The following TYK2 variants were observed in gnomAD, a reference collection of about 807,000 sequenced individuals.
The protein encoded by TYK2 is tyrosine kinase 2.
TYK2 carries 65 observed loss-of-function variants against 130.9 expected under a neutral mutation model. The ratio of observed to expected loss-of-function variants is 0.50; its 90% CI spans 0.41 to 0.61. TYK2 has a LOEUF of 0.61. Ranked by LOEUF, TYK2 falls within the 20% of genes least tolerant of loss-of-function variation. TYK2 has a pLI of 0.00. For missense variants in TYK2, 1,378 were observed against 1,610.7 expected (o/e 0.86, Z 2.47); for synonymous variants, 647 against 658.9 (o/e 0.98, Z 0.28).
intron 3 of TYK2, among the ~76,000 whole-genome samples, chr19:10,377,550 G>A (rs1599368211): frequency 7.6e-6 from 1 of 131,474 alleles, no homozygotes; most frequent in Non-Finnish European, 1.6e-5. Context: ...ATGGATGGGT[G>A]GGTGGGTGGA....
At chr19:10,367,013 C>T (rs2145263745) in intron 5 of TYK2, among the ~76,000 whole-genome samples, 1 of 150,764 alleles carries the variant, frequency 6.6e-6, no homozygotes, top group Non-Finnish European at 1.5e-5. Context: ...CATTGCACTC[C>T]AGCCTGAGCA....
intron 15 of TYK2, 97 bp downstream of exon 15, chr19:10,359,078 A>C (rs1473569297): frequency 6.6e-7 from 1 of 1,508,712 alleles, no homozygotes. Flanking sequence ...AAACAAACAA[A>C]AAAGATGGGG....
rs2041617281 is a variant in TYK2, at chr19:10,365,506, GCCTTGCTCACCTCCT to G, written c.1007_1011+10del. 2 of 1,613,504 alleles carry G rather than the reference GCCTTGCTCACCTCCT, an allele frequency of 1.2e-6. No homozygotes were observed. The highest frequency in any genetic ancestry group is 1.7e-6 in the Non-Finnish European group (2 of 1,180,010). ...CCTGAACCCCCAGGGCGGAAGGGGC[GCCTTGCTCACCTCCT>G]CCTTGTTCACCTCCTCCTCTACTGG... On this transcript the variant is annotated splice_donor_variant and splice_donor_5th_base_variant and coding_sequence_variant and intron_variant, in exon 7 of 25. Transcript: ENST00000525621. LOFTEE classifies it high-confidence loss of function.
chr19:10,365,828 G>A lies in TYK2; in HGVS notation c.700C>T (p.Leu234Phe), dbSNP rs2041636319. The change falls in exon 7 of 25, where the codon CTT becomes TTT. Residue 234 changes from leucine (L) to phenylalanine (F), a missense_variant. Transcript: ENST00000525621. ...RQHSALTRLR[L>F]RNVFRRFLRD... ...AGGAACCTGCGGAAGACGTTCCGAA[G>A]GCGCAGCCGGGTCAGGGCGCTGTGC... The A allele has an allele frequency of 2.5e-6, 4 of 1,612,480 alleles. No individual in the cohort carries two copies. The highest frequency in any genetic ancestry group is 2.7e-5 in the African/African-American group (2 of 75,074).
chr19:10,354,706 C>T, intron 18 of TYK2, 97 bp from the exon 19 acceptor site: 2 of 1,014,816 alleles, frequency 2.0e-6, no homozygotes, highest in South Asian at 2.6e-5. Flanking sequence ...ACCCCAGGAT[C>T]CGATTCTAGA....
In TYK2 at chr19:10,364,537, C is replaced by A. The variant is rs1453304815; in HGVS notation, c.1367+77G>T. 1.9e-6 allele frequency: 3 copies of A among 1,539,898 alleles called. No individual in the cohort carries two copies. The East Asian group carries it at 6.8e-5, about 35-fold the overall frequency. On this transcript the variant is annotated intron_variant, in intron 9 of 24. Transcript: ENST00000525621. The surrounding 1 kb of genome is among the most constrained non-coding windows in gnomAD (Gnocchi z 4.9). ...ATAAGACGTGCACCTACACACACAC[C>A]CTGCACAGCCCCTAGGGCTCACAGT...
At chr19:10,372,475 TA>T (rs2041951602) in intron 3 of TYK2, among the ~76,000 whole-genome samples, 2 of 70,280 alleles carry the variant, frequency 2.8e-5, no homozygotes, top group African/African-American at 1.9e-4. Context: ...TATATATATA[TA>T]TATATATATT....
chr19:10,370,078 A>G (rs1027088348), intron 3 of TYK2, among the ~76,000 whole-genome samples: 3 of 151,316 alleles, frequency 2.0e-5, no homozygotes, highest in Non-Finnish European at 4.4e-5. Flanking sequence ...AGAATCAGCC[A>G]TGGCCAGGCT....
Position 10,362,555 on chromosome 19 carries a change from A to G in TYK2, c.1470T>C (p.Arg490=). Residue 490 remains arginine, a synonymous_variant, in exon 10 of 25, where the codon CGT becomes CGC. Coordinates refer to ENST00000525621, the MANE Select transcript of TYK2 (RefSeq NM_003331.5). The part of the protein sequence containing the change: ...PYRLILTVAQ[R]SQAPDGMQSL... Reference sequence around the variant, plus strand: ...CCCCCAGCCCTGGGCTCACCTGGCTACGCTGGGCCACTGTGAGGATCAGGC... The same window carrying G: ...CCCCCAGCCCTGGGCTCACCTGGCTGCGCTGGGCCACTGTGAGGATCAGGC... 6.4e-7 allele frequency: 1 copy of G among 1,554,886 alleles called. No individual in the cohort carries two copies. The highest frequency in any genetic ancestry group is 8.7e-7 in the Non-Finnish European group (1 of 1,148,846).
chr19:10,368,478 A>T lies in TYK2; in HGVS notation c.194-60T>A, dbSNP rs557695401. Reference sequence around the variant, plus strand: ...TCATTTGCTACCGTCAGCCCCAAAGACCCCCCAGACCCAATGTCTGCCTTC... The same window carrying T: ...TCATTTGCTACCGTCAGCCCCAAAGTCCCCCCAGACCCAATGTCTGCCTTC... On this transcript the variant is annotated intron_variant, in intron 3 of 24. Coordinates refer to ENST00000525621, the MANE Select transcript of TYK2 (RefSeq NM_003331.5). 3.7e-6 allele frequency: 6 copies of T among 1,609,008 alleles called. No individual in the cohort carries two copies. The Admixed American group carries it at 5.0e-5, about 14-fold the overall frequency.
At chr19:10,378,469 A>G in intron 2 of TYK2, 43 bp from the exon 3 acceptor site, 1 of 1,537,390 alleles carries the variant, frequency 6.5e-7, no homozygotes, top group Admixed American at 1.7e-5. Flanking sequence ...CTCAGCCCAG[A>G]GACCCCTGTT....
chr19:10,379,505 C>CAATAAATAAATAAATA (rs35074507), intron 2 of TYK2, 110 bp downstream of exon 2: 1 of 146,764 alleles, frequency 6.8e-6, no homozygotes, highest in Non-Finnish European at 1.5e-5. Flanking sequence ...TACTAAAATA[C>CAATAAATAAATAAATA]AATAAATAAA....
chr19:10,374,440 C>G (rs1302843666), intron 3 of TYK2, among the ~76,000 whole-genome samples: 1 of 150,726 alleles, frequency 6.6e-6, no homozygotes, highest in Non-Finnish European at 1.5e-5. Context: ...CAAAAATTAG[C>G]CAGGTGTGGT....
chr19:10,353,523 C>T lies in TYK2; in HGVS notation c.3027+5G>A. 6.7e-7 allele frequency: 1 copy of T among 1,498,370 alleles called. No individual in the cohort carries two copies. Among genetic ancestry groups the T allele is most frequent in the Non-Finnish European group, 8.9e-7 (1 of 1,120,128 alleles). 92.8% of individuals were successfully genotyped at this position (1,498,370 alleles called of 1,614,324 possible). A position where few individuals can be genotyped will look rare whatever the true frequency, so the allele number is the denominator to read the frequency against. ...GCTCCAGAAGCAGGGGCGGGGCCGA[C>T]CAACCTCGCAGATCTGCTGGGCGAA... On this transcript the variant is annotated splice_donor_5th_base_variant and intron_variant, in intron 21 of 24. Transcript: ENST00000525621. The surrounding 1 kb of genome is among the most constrained non-coding windows in gnomAD (Gnocchi z 6.9).
chr19:10,351,345 G>A (rs2040794576), intron 23 of TYK2, 183 bp from the exon 24 acceptor site: 1 of 502,534 alleles, frequency 2.0e-6, no homozygotes. Flanking sequence ...AAATTAGCTG[G>A]GCATAATGGC....
At chr19:10,354,327 C>T (rs375184044) in intron 19 of TYK2, 93 bp from the exon 20 acceptor site, 3 of 1,503,606 alleles carry the variant, frequency 2.0e-6, no homozygotes, top group Admixed American at 3.6e-5. Context: ...CCAGGCAGAT[C>T]CTTTCGGAAT....
At chr19:10,378,156 C>A in intron 3 of TYK2, 58 bp downstream of exon 3, 1 of 1,573,474 alleles carries the variant, frequency 6.4e-7, no homozygotes, top group South Asian at 1.1e-5. Flanking sequence ...ATGGATGGGG[C>A]CCAGCTGCTG....
At chr19:10,368,015 T>C (rs779796094) in intron 5 of TYK2, 40 bp downstream of exon 5, 1 of 1,612,578 alleles carries the variant, frequency 6.2e-7, no homozygotes, top group Non-Finnish European at 8.5e-7. Flanking sequence ...TGCCCCTAAG[T>C]CTCCCACAAA....
intron 23 of TYK2, among the ~76,000 whole-genome samples, chr19:10,352,040 T>C (rs770588971): frequency 1.4e-5 from 2 of 142,274 alleles, no homozygotes; most frequent in African/African-American, 2.6e-5. Flanking sequence ...GCCCGGCCTA[T>C]GCCTTTCTTT....
Sources: allele counts gnomAD v4.1 joint callset (sites outside exome capture counted in the v4.1 genomes callset), GRCh38; gene constraint gnomAD v4.1.1; non-coding constraint Gnocchi (gnomAD v3.1); transcripts MANE v1.5; gene names NCBI Gene and HGNC (gene_info 2026-07-23, HGNC 2026-07-21).